Variants in PTPRG observed in about 807,000 individuals in gnomAD.
PTPRG encodes receptor-type tyrosine-protein phosphatase gamma.
Under a neutral mutation model 165.3 loss-of-function variants are expected in PTPRG, and 102 were observed. The ratio of observed to expected loss-of-function variants is 0.62; its 90% confidence interval spans 0.53 to 0.73. The LOEUF (loss-of-function observed/expected upper bound fraction) is 0.73, where lower values mean the gene tolerates loss of function less well. Among genes scored for constraint, PTPRG ranks in the 30% least tolerant of loss-of-function variants. The probability of loss-of-function intolerance (pLI) is 0.00; values close to 1 mark genes in which losing one functional copy is unlikely to be tolerated. For missense variants in PTPRG, 1,866 were observed against 1,861.4 expected (o/e 1.00, Z -0.05); for synonymous variants, 675 against 669.5 (o/e 1.01, Z -0.13).
At chr3:61,857,543 C>A (rs2037146745) in intron 2 of PTPRG, among the ~76,000 whole-genome samples, 1 of 152,156 alleles carries the variant, frequency 6.6e-6, no homozygotes, top group Admixed American at 6.6e-5. Context: ...AGTGATGATT[C>A]TTGAGTGTGA....
At chr3:62,020,018 G>A (rs2041649655) in intron 4 of PTPRG, among the ~76,000 whole-genome samples, 2 of 152,018 alleles carry the variant, frequency 1.3e-5, no homozygotes, top group African/African-American at 2.4e-5. Context: ...AATAATTTTA[G>A]GAGTATAGTA....
intron 1 of PTPRG, among the ~76,000 whole-genome samples, chr3:61,671,717 C>T (rs1220635844): frequency 7.6e-5 from 11 of 145,052 alleles, no homozygotes; most frequent in Non-Finnish European, 1.1e-4. Context: ...TAGGGGCGGC[C>T]GGGCAGAGGC....
intron 5 of PTPRG, among the ~76,000 whole-genome samples, chr3:62,110,089 CT>C (rs371457716): frequency 0.18 from 13,911 of 78,658 alleles, 301 homozygotes; most frequent in Non-Finnish European, 0.21. Flanking sequence ...GAAATAATGG[CT>C]TTTTTTTTTT....
intron 7 of PTPRG, among the ~76,000 whole-genome samples, chr3:62,162,383 TAA>T (rs1344846686): frequency 2.0e-5 from 3 of 152,254 alleles, no homozygotes; most frequent in East Asian, 1.9e-4. Context: ...TTCAAAAGTT[TAA>T]GAGTCAATTT....
intron 1 of PTPRG, among the ~76,000 whole-genome samples, chr3:61,679,396 C>T (rs1342677150): frequency 6.6e-6 from 1 of 152,134 alleles, no homozygotes; most frequent in Non-Finnish European, 1.5e-5. Context: ...AGAAATTTAG[C>T]AGCCCGACCA....
intron 1 of PTPRG, among the ~76,000 whole-genome samples, chr3:61,631,081 G>GC (rs1553642457): frequency 1.4e-5 from 2 of 146,798 alleles, no homozygotes; most frequent in Non-Finnish European, 3.0e-5. Context: ...GAAAAAAAAA[G>GC]TTTTTTTTTT....
intron 5 of PTPRG, among the ~76,000 whole-genome samples, chr3:62,125,560 T>G (rs1054023264): frequency 2.6e-5 from 4 of 152,178 alleles, no homozygotes; most frequent in African/African-American, 9.7e-5. Context: ...ATGGCGGGAT[T>G]ATTAACAAGG....
At chr3:62,205,993 C>G (rs561769935) in intron 12 of PTPRG, among the ~76,000 whole-genome samples, 4 of 152,102 alleles carry the variant, frequency 2.6e-5, no homozygotes, top group African/African-American at 7.2e-5. Context: ...AGGTGGTGGA[C>G]TTGGAATTGA....
intron 6 of PTPRG, among the ~76,000 whole-genome samples, chr3:62,145,968 T>C (rs1179907201): frequency 6.6e-6 from 1 of 152,220 alleles, no homozygotes; most frequent in African/African-American, 2.4e-5. Context: ...CTCTTGTATA[T>C]CTTGGTTTTC....
At chr3:61,662,917 A>G (rs1702706057) in intron 1 of PTPRG, among the ~76,000 whole-genome samples, 1 of 152,214 alleles carries the variant, frequency 6.6e-6, no homozygotes, top group Non-Finnish European at 1.5e-5. Flanking sequence ...TGCAGAGTAT[A>G]CACATAGGCG....
intron 2 of PTPRG, among the ~76,000 whole-genome samples, chr3:61,798,845 C>T (rs2035143371): frequency 6.6e-6 from 1 of 151,908 alleles, no homozygotes; most frequent in Admixed American, 6.6e-5. Context: ...AAAGGAAGGT[C>T]AGTGGAACAG....
chr3:61,904,348 A>G (rs1202761177), intron 2 of PTPRG, among the ~76,000 whole-genome samples: 1 of 152,128 alleles, frequency 6.6e-6, no homozygotes, highest in East Asian at 1.9e-4. Flanking sequence ...AAGTGCAAAC[A>G]TCCTCTGTTT....
In PTPRG at chr3:61,960,187, T is replaced by A. The variant is rs145120187; in HGVS notation, c.191-29438T>A. Among the ~76,000 whole-genome samples the A allele has an allele frequency of 9.9e-4, 150 of 152,264 alleles. 1 individual carries two copies. Among genetic ancestry groups the A allele is most frequent in the African/African-American group, 3.4e-3 (143 of 41,554 alleles). On this transcript the variant is annotated intron_variant, in intron 2 of 29. Transcript: ENST00000474889. ...TTCATACCTTTCTCCCCCACTGGAATGCAAACCCCTGAAGGCTGTTCTGCC... is the reference window on the plus strand; with the variant it reads ...TTCATACCTTTCTCCCCCACTGGAAAGCAAACCCCTGAAGGCTGTTCTGCC...
intron 2 of PTPRG, among the ~76,000 whole-genome samples, chr3:61,897,732 T>G (rs558478699): frequency 5.3e-4 from 80 of 152,292 alleles, no homozygotes; most frequent in African/African-American, 1.8e-3. Flanking sequence ...TTTATTTAGG[T>G]TTTTGATTTG....
At chr3:62,068,371 G>C (rs144064282) in intron 4 of PTPRG, among the ~76,000 whole-genome samples, 1 of 152,262 alleles carries the variant, frequency 6.6e-6, no homozygotes, top group East Asian at 1.9e-4. Context: ...GCTCCGTCAA[G>C]CAGGTAAGTT....
intron 16 of PTPRG, among the ~76,000 whole-genome samples, chr3:62,256,962 C>T (rs531870117): frequency 9.9e-4 from 150 of 152,214 alleles, no homozygotes; most frequent in African/African-American, 3.5e-3. Flanking sequence ...TAATCGCCTA[C>T]ATTGAACTTT....
At chr3:61,944,791 C>T (rs985317752) in intron 2 of PTPRG, among the ~76,000 whole-genome samples, 2 of 152,172 alleles carry the variant, frequency 1.3e-5, no homozygotes, top group African/African-American at 4.8e-5. Flanking sequence ...TACTGTTACG[C>T]TGTAGCATTT....
intron 2 of PTPRG, among the ~76,000 whole-genome samples, chr3:61,954,505 C>T (rs965928973): frequency 2.0e-5 from 3 of 152,016 alleles, no homozygotes; most frequent in Non-Finnish European, 2.9e-5. Flanking sequence ...GTTTGTAGAG[C>T]CTTTCTATTA....
At chr3:62,079,241 A>G (rs539952252) in intron 5 of PTPRG, among the ~76,000 whole-genome samples, 2 of 152,324 alleles carry the variant, frequency 1.3e-5, no homozygotes, top group African/African-American at 2.4e-5. Context: ...CCTTTTAACT[A>G]CATTTCTCCC....
Sources: allele counts gnomAD v4.1 joint callset (sites outside exome capture counted in the v4.1 genomes callset), GRCh38; gene constraint gnomAD v4.1.1; transcripts MANE v1.5; gene names NCBI Gene and HGNC (gene_info 2026-07-23, HGNC 2026-07-21).